Variants in AP3D1 observed in about 807,000 individuals in gnomAD.
AP3D1 encodes adaptor related protein complex 3 subunit delta 1, also known as AP-3 complex subunit delta-1.
AP3D1 carries 51 observed loss-of-function variants against 147.6 expected under a neutral mutation model. The ratio of observed to expected loss-of-function variants is 0.35; its 90% confidence interval spans 0.28 to 0.44. AP3D1 has a LOEUF of 0.44. Among genes scored for constraint, AP3D1 ranks in the 20% least tolerant of loss-of-function variants. AP3D1 has a pLI of 1.00. For missense variants in AP3D1, 1,421 were observed against 1,624.2 expected (o/e 0.87, Z 2.15); for synonymous variants, 760 against 663.0 (o/e 1.15, Z -2.25).
upstream of AP3D1, among the ~76,000 whole-genome samples, chr19:2,152,224 C>A (rs1019946028): frequency 6.7e-6 from 1 of 149,948 alleles, no homozygotes; most frequent in Admixed American, 6.6e-5. Flanking sequence ...TTCCGAGATA[C>A]ATCATTGAGA....
intron 22 of AP3D1, 90 bp from the exon 23 acceptor site, chr19:2,113,503 G>C: frequency 2.8e-6 from 2 of 719,988 alleles, no homozygotes; most frequent in South Asian, 5.2e-5. Context: ...GGCCCCAGCT[G>C]CCCTCGCTGC....
intron 4 of AP3D1, 26 bp from the exon 5 acceptor site, chr19:2,132,604 G>A: frequency 6.3e-7 from 1 of 1,586,410 alleles, no homozygotes; most frequent in Middle Eastern, 1.7e-4. Flanking sequence ...AAGGGGCCGT[G>A]GCCAGGATGC....
At chr19:2,155,124 TGAGCCGAGATCGCGCCATTG>T (rs1046502925), upstream of AP3D1, among the ~76,000 whole-genome samples, 11 of 151,968 alleles carry the variant, frequency 7.2e-5, no homozygotes, top group Admixed American at 5.9e-4. Flanking sequence ...GAGGTTGCAG[TGAGCCGAGATCGCGCCATTG>T]CACTCCAGCC....
At chr19:2,147,403 T>C (rs1283290535) in intron 1 of AP3D1, among the ~76,000 whole-genome samples, 1 of 139,528 alleles carries the variant, frequency 7.2e-6, no homozygotes, top group African/African-American at 2.7e-5. Context: ...AATCTCTTTA[T>C]ATCTTTTCCT....
At chr19:2,159,411 C>G (rs1453816247) in intron 1 of AP3D1, among the ~76,000 whole-genome samples, 1 of 150,474 alleles carries the variant, frequency 6.6e-6, no homozygotes, top group Non-Finnish European at 1.5e-5. Flanking sequence ...TTTTTTGAGA[C>G]GGAGTCTCGC....
At chr19:2,107,323 G>A (rs1170831284) in intron 31 of AP3D1, among the ~76,000 whole-genome samples, 1 of 151,822 alleles carries the variant, frequency 6.6e-6, no homozygotes, top group African/African-American at 2.4e-5. Context: ...GGAATGCTGA[G>A]TAGTGAACAT....
intron 1 of AP3D1, among the ~76,000 whole-genome samples, chr19:2,150,428 G>A (rs980523007): frequency 2.6e-5 from 4 of 152,180 alleles, no homozygotes; most frequent in Non-Finnish European, 5.9e-5. Context: ...AGGGAGGAGC[G>A]GGAAGGAAAC....
intron 31 of AP3D1, among the ~76,000 whole-genome samples, chr19:2,105,120 A>G (rs2018074015): frequency 6.6e-6 from 1 of 152,226 alleles, no homozygotes; most frequent in Non-Finnish European, 1.5e-5. Flanking sequence ...ATGGCAGAAC[A>G]GCTAGGACGA....
intron 31 of AP3D1, among the ~76,000 whole-genome samples, chr19:2,103,369 C>T (rs1184552848): frequency 2.0e-5 from 3 of 152,054 alleles, no homozygotes; most frequent in East Asian, 1.9e-4. Context: ...GACCAGAATC[C>T]GAAGAGCTCC....
intron 1 of AP3D1, among the ~76,000 whole-genome samples, chr19:2,147,681 G>A (rs2019396430): frequency 6.6e-6 from 1 of 151,834 alleles, no homozygotes; most frequent in Non-Finnish European, 1.5e-5. Flanking sequence ...AGATCACGAG[G>A]TCAAGAGATT....
chr19:2,127,088 C>G, intron 9 of AP3D1, 64 bp downstream of exon 9: 1 of 1,572,116 alleles, frequency 6.4e-7, no homozygotes, highest in South Asian at 1.1e-5. Flanking sequence ...GCCCTCCTGT[C>G]CCCACCTGAG....
At chr19:2,156,989 C>G (rs970782054) in intron 1 of AP3D1, among the ~76,000 whole-genome samples, 2 of 150,580 alleles carry the variant, frequency 1.3e-5, no homozygotes, top group African/African-American at 4.9e-5. Context: ...CCCATCCACC[C>G]ATCAACAAGG....
intron 17 of AP3D1, 138 bp from the exon 18 acceptor site, chr19:2,116,416 C>A: frequency 8.2e-7 from 1 of 1,224,058 alleles, no homozygotes; most frequent in Non-Finnish European, 1.1e-6. Flanking sequence ...ACAGGGAAAC[C>A]AAGGCCCGCA....
chr19:2,124,428 C>T (rs1019943427), intron 9 of AP3D1, among the ~76,000 whole-genome samples: 13 of 152,132 alleles, frequency 8.5e-5, no homozygotes, highest in Non-Finnish European at 1.8e-4. Context: ...AGGCAGGCAG[C>T]GAGAAGCCGA....
chr19:2,111,587 T>C (rs1406580737), intron 25 of AP3D1, 92 bp downstream of exon 25: 1 of 1,453,838 alleles, frequency 6.9e-7, no homozygotes, highest in Non-Finnish European at 9.2e-7. Context: ...ATCTGCTCAG[T>C]TCTCTCCCGC....
At chr19:2,114,932 G>T in intron 20 of AP3D1, 111 bp from the exon 21 acceptor site, 1 of 1,214,756 alleles carries the variant, frequency 8.2e-7, no homozygotes, top group Non-Finnish European at 1.2e-6. Flanking sequence ...GCACAGGTGG[G>T]CAGTGACGTG....
rs1262211329 is a variant in AP3D1, at chr19:2,147,593, G to A, written c.96+3646C>T. 8.7e-5 allele frequency among the ~76,000 whole-genome samples: 13 copies of A among 150,226 alleles called. No individual in the cohort carries two copies. In the South Asian group the frequency reaches 2.5e-3, roughly 29 times the overall value. On this transcript the variant is annotated intron_variant, in intron 1 of 31. Coordinates refer to ENST00000643116, the MANE Select transcript of AP3D1 (RefSeq NM_001261826.3). ...AGAAGAAGAAAAAAAAAACAAAAAA[G>A]AAAAAAGAAAAAGAATATATGGGCT...
At chr19:2,113,283 G>T in intron 23 of AP3D1, 53 bp downstream of exon 23, 1 of 891,068 alleles carries the variant, frequency 1.1e-6, no homozygotes, top group Non-Finnish European at 1.6e-6. Flanking sequence ...TGAGTGCCAG[G>T]TATGACCTCT....
At position 2,113,335 on chromosome 19, in the gene AP3D1, C is replaced by A; in HGVS notation, c.2679+1G>T. ...GCACTGGCCAGCTGCCAGTCTCTTA[C>A]CGTGGATGGAACGGGGGCGGGGGCG... On this transcript the variant is annotated splice_donor_variant, in intron 23 of 31. Transcript: ENST00000643116. LOFTEE classifies it high-confidence loss of function. 1 of 1,082,044 alleles carries A rather than the reference C, an allele frequency of 9.2e-7. No homozygotes were observed. Among genetic ancestry groups the A allele is most frequent in the Non-Finnish European group, 1.2e-6 (1 of 804,102 alleles). 67.0% of individuals were successfully genotyped at this position (1,082,044 alleles called of 1,614,324 possible). A position where few individuals can be genotyped will look rare whatever the true frequency, so the allele number is the denominator to read the frequency against.
Sources: gnomAD v4.1 joint callset for allele counts (sites outside exome capture counted in the v4.1 genomes callset) on GRCh38, gnomAD v4.1.1 for gene constraint, MANE v1.5 for transcripts, NCBI Gene and HGNC (gene_info 2026-07-23, HGNC 2026-07-21) for gene names.